Variants in DGKH observed in about 807,000 individuals in gnomAD.
DGKH encodes the protein DAG kinase eta.
DGKH carries 90 observed loss-of-function variants against 159.3 expected under a neutral mutation model. The observed-to-expected ratio is 0.57, with a 90% CI of 0.48 to 0.67. The LOEUF is 0.67. Among genes scored for constraint, DGKH ranks in the 30% least tolerant of loss-of-function variants. DGKH has a pLI of 0.00. For synonymous variants in DGKH, 536 were observed against 553.8 expected (o/e 0.97, Z 0.45); for missense variants, 1,181 against 1,506.1 (o/e 0.78, Z 3.57).
intron 29 of DGKH, among the ~76,000 whole-genome samples, chr13:42,250,097 A>T (rs1174336160): frequency 6.6e-6 from 1 of 151,618 alleles, no homozygotes; most frequent in East Asian, 1.9e-4. Flanking sequence ...CAGCCTCCCG[A>T]GTAGCTGGGA....
intron 29 of DGKH, among the ~76,000 whole-genome samples, chr13:42,222,992 AC>A (rs935335815): frequency 6.6e-6 from 1 of 152,116 alleles, no homozygotes; most frequent in Non-Finnish European, 1.5e-5. Flanking sequence ...TTTTCATGGG[AC>A]TTTTTTGTTC....
chr13:42,251,087 T>C (rs1004329078), intron 29 of DGKH, among the ~76,000 whole-genome samples: 3 of 152,140 alleles, frequency 2.0e-5, no homozygotes, highest in Admixed American at 6.5e-5. Flanking sequence ...TTTAATATAT[T>C]GAAAGAATAA....
At chr13:42,116,540 C>G (rs963972043) in intron 1 of DGKH, among the ~76,000 whole-genome samples, 1 of 152,152 alleles carries the variant, frequency 6.6e-6, no homozygotes, top group Non-Finnish European at 1.5e-5. Flanking sequence ...GTTTAACACT[C>G]CTCTAAAAGC....
chr13:42,066,563 C>T (rs1354011686), intron 1 of DGKH: 1 of 152,194 alleles, frequency 6.6e-6, no homozygotes. Flanking sequence ...TACCTACTCA[C>T]TAACATTTAT....
In DGKH at chr13:42,210,622, A is replaced by C; in HGVS notation, c.2871A>C (p.Lys957Asn). ...TRDRAFESTL[K>N]SWEDKQKCDS... ...AATAGGCCTTTGAGAGCACTCTGAA[A>C]TCTTGGGAAGATAAGCAGAAGTGTG... Residue 957 changes from lysine to asparagine, a missense_variant, in exon 24 of 30, where the codon AAA (lysine) becomes AAC (asparagine). Physicochemically the swap from Lys to Asn is moderately conservative, Grantham distance 94. Transcript: ENST00000337343. 6.2e-7 allele frequency: 1 copy of C among 1,612,062 alleles called. No homozygotes were observed. The highest frequency in any genetic ancestry group is 8.5e-7 in the Non-Finnish European group (1 of 1,179,936).
chr13:42,190,052 A>AT (rs1957024278), intron 15 of DGKH, among the ~76,000 whole-genome samples: 2 of 152,172 alleles, frequency 1.3e-5, no homozygotes. Flanking sequence ...GTTTTAATTA[A>AT]TGTGTATATT....
chr13:42,146,530 C>T (rs34695805), intron 3 of DGKH, among the ~76,000 whole-genome samples: 18,207 of 152,122 alleles, frequency 0.12, 1,591 homozygotes, highest in East Asian at 0.42. Flanking sequence ...GTTAGAGACC[C>T]GTTGGAGTAG....
chr13:42,202,613 G>A (rs905425275), intron 20 of DGKH, among the ~76,000 whole-genome samples: 5 of 152,130 alleles, frequency 3.3e-5, no homozygotes, highest in African/African-American at 9.7e-5. Context: ...AGTGTGAATG[G>A]GAAAGAACTG....
chr13:42,214,987 C>T (rs1165593609), intron 25 of DGKH, among the ~76,000 whole-genome samples: 1 of 151,988 alleles, frequency 6.6e-6, no homozygotes, highest in Non-Finnish European at 1.5e-5. Context: ...GATGTCCACT[C>T]GTTTTTGAAG....
chr13:42,054,428 G>T (rs1428370932), intron 1 of DGKH, among the ~76,000 whole-genome samples: 1 of 152,168 alleles, frequency 6.6e-6, no homozygotes, highest in Admixed American at 6.5e-5. Flanking sequence ...ATTTTGATAG[G>T]TGATGAGCAG....
chr13:42,066,906 G>A (rs916003242), intron 1 of DGKH, among the ~76,000 whole-genome samples: 25 of 152,024 alleles, frequency 1.6e-4, no homozygotes, highest in African/African-American at 6.0e-4. Flanking sequence ...CCTGAGTTCA[G>A]TGTTAATGAA....
intron 1 of DGKH, chr13:42,071,080 A>G: frequency 8.9e-7 from 1 of 1,120,060 alleles, no homozygotes. Context: ...GAGACTTTCA[A>G]ATTTCTCTGC....
intron 1 of DGKH, among the ~76,000 whole-genome samples, chr13:42,041,463 A>G (rs1380257103): frequency 6.6e-6 from 1 of 152,224 alleles, no homozygotes; most frequent in Non-Finnish European, 1.5e-5. Flanking sequence ...CCGGGGACGA[A>G]GCAGAAAGCT....
intron 29 of DGKH, among the ~76,000 whole-genome samples, chr13:42,249,233 G>T (rs543689930): frequency 6.6e-6 from 1 of 152,186 alleles, no homozygotes; most frequent in South Asian, 2.1e-4. Flanking sequence ...GATTAGCTCT[G>T]CTTGGTGGCG....
intron 16 of DGKH, 125 bp from the exon 17 acceptor site, chr13:42,194,760 T>A: frequency 9.1e-7 from 1 of 1,094,088 alleles, no homozygotes; most frequent in Non-Finnish European, 1.3e-6. Context: ...AAACGATAGC[T>A]ATGCATAATA....
chr13:42,209,498 T>A, intron 23 of DGKH, 33 bp downstream of exon 23: 1 of 1,528,878 alleles, frequency 6.5e-7, no homozygotes, highest in African/African-American at 1.4e-5. Context: ...TAGAATATTG[T>A]CAGGTTTTTA....
At chr13:42,243,475 C>G (rs1958551174), downstream of DGKH, among the ~76,000 whole-genome samples, 2 of 152,168 alleles carry the variant, frequency 1.3e-5, no homozygotes, top group Admixed American at 1.3e-4. Flanking sequence ...CAGTGCATGA[C>G]AAGTGTTGTC....
intron 29 of DGKH, among the ~76,000 whole-genome samples, chr13:42,248,327 C>T (rs2138336354): frequency 6.6e-6 from 1 of 151,894 alleles, no homozygotes; most frequent in Admixed American, 6.6e-5. Context: ...GAGGCTGAGG[C>T]AGGAGAATCG....
intron 27 of DGKH, 121 bp downstream of exon 27, chr13:42,219,470 C>A: frequency 1.4e-6 from 2 of 1,431,566 alleles, no homozygotes; most frequent in Admixed American, 2.1e-5. Context: ...TTCAAATGTT[C>A]TGTTCTTGAA....
Sources: allele counts gnomAD v4.1 joint callset (sites outside exome capture counted in the v4.1 genomes callset), GRCh38; gene constraint gnomAD v4.1.1; transcripts MANE v1.5; gene names NCBI Gene and HGNC (gene_info 2026-07-23, HGNC 2026-07-21).